Variants in MIGA1 observed in about 807,000 individuals in gnomAD.
The protein encoded by MIGA1 is family with sequence similarity 73, member A.
Under a neutral mutation model 82.0 loss-of-function variants are expected in MIGA1, and 58 were observed. That is an observed-to-expected ratio of 0.71 (90% CI 0.57 to 0.88). The LOEUF (loss-of-function observed/expected upper bound fraction) is 0.88. Ranked by LOEUF, MIGA1 falls within the 40% of genes least tolerant of loss-of-function variation. MIGA1 has a pLI of 0.00. For missense variants in MIGA1, 751 were observed against 749.1 expected (o/e 1.00, Z -0.03); for synonymous variants, 249 against 253.6 (o/e 0.98, Z 0.17).
chr1:77,834,005 A>G (rs1684337145), intron 7 of MIGA1, among the ~76,000 whole-genome samples: 1 of 152,218 alleles, frequency 6.6e-6, no homozygotes, highest in South Asian at 2.1e-4. Context: ...ATAAATAGGG[A>G]ATGCCAGAGA....
At chr1:77,824,983 CTTTTTTTTT>C (rs11375207) in intron 7 of MIGA1, among the ~76,000 whole-genome samples, 3 of 103,148 alleles carry the variant, frequency 2.9e-5, no homozygotes, top group Non-Finnish European at 5.7e-5. Flanking sequence ...TTCTATTCCT[CTTTTTTTTT>C]TTTTTTTTTT....
chr1:77,786,204 A>C (rs973353563), intron 2 of MIGA1, among the ~76,000 whole-genome samples: 1 of 152,118 alleles, frequency 6.6e-6, no homozygotes, highest in Admixed American at 6.5e-5. Context: ...AGTGGCTGGG[A>C]TGCAGGGCAC....
chr1:77,873,112 T>C lies in MIGA1; in HGVS notation c.1672T>C (p.Phe558Leu). Residue 558 changes from phenylalanine to leucine, a missense_variant, in exon 15 of 16, where the codon TTT becomes CTT. By Grantham distance (22) the Phe-to-Leu change is conservative. Around this residue, in one of 3 missense-constraint regions of MIGA1, gnomAD observed 265 missense variants for 293.6 expected, o/e 0.90. Transcript: ENST00000370791. ...AAATTCTCTGTATGATTTATGTTGCTTTTTTAAGGTATGTTCAGTCATTGA... is the reference window on the plus strand; with the variant it reads ...AAATTCTCTGTATGATTTATGTTGCCTTTTTAAGGTATGTTCAGTCATTGA... The C allele has an allele frequency of 6.2e-7, 1 of 1,612,340 alleles. No individual in the cohort carries two copies. Among genetic ancestry groups the C allele is most frequent in the Non-Finnish European group, 8.5e-7 (1 of 1,178,716 alleles).
chr1:77,806,569 T>G (rs1056721895), intron 4 of MIGA1, among the ~76,000 whole-genome samples: 1 of 152,230 alleles, frequency 6.6e-6, no homozygotes. Context: ...ACAAAGATGA[T>G]AGTGGCTTTT....
chr1:77,867,290 T>G (rs1274981962), intron 14 of MIGA1, among the ~76,000 whole-genome samples: 1 of 152,150 alleles, frequency 6.6e-6, no homozygotes, highest in African/African-American at 2.4e-5. Context: ...TTTCCTTATC[T>G]CTAAAAATAG....
At chr1:77,795,794 T>C (rs532174294) in intron 2 of MIGA1, among the ~76,000 whole-genome samples, 1 of 151,716 alleles carries the variant, frequency 6.6e-6, no homozygotes, top group Admixed American at 6.6e-5. Context: ...CATGCCTGGC[T>C]AATTTTTTTT....
At chr1:77,807,576 C>G (rs1683151903) in intron 5 of MIGA1, among the ~76,000 whole-genome samples, 1 of 152,106 alleles carries the variant, frequency 6.6e-6, no homozygotes, top group South Asian at 2.1e-4. Flanking sequence ...TTAGTTTAAA[C>G]TAATACAACA....
chr1:77,791,654 C>T (rs975736968), intron 2 of MIGA1, among the ~76,000 whole-genome samples: 5 of 149,860 alleles, frequency 3.3e-5, no homozygotes, highest in Non-Finnish European at 5.9e-5. Flanking sequence ...ACCTCAGTCT[C>T]CTGGGTTCAA....
chr1:77,823,213 CT>C (rs879872245), intron 7 of MIGA1, among the ~76,000 whole-genome samples: 86 of 146,356 alleles, frequency 5.9e-4, no homozygotes, highest in Middle Eastern at 3.5e-3. Flanking sequence ...GTCTATTCTC[CT>C]TTTTTTTTTT....
intron 5 of MIGA1, among the ~76,000 whole-genome samples, chr1:77,813,168 G>C (rs919621982): frequency 3.3e-5 from 5 of 152,192 alleles, no homozygotes; most frequent in African/African-American, 1.2e-4. Context: ...TTTTAGTAGA[G>C]ATGGGGTTTT....
At chr1:77,797,975 C>T (rs373939880) in intron 2 of MIGA1, among the ~76,000 whole-genome samples, 3 of 152,052 alleles carry the variant, frequency 2.0e-5, no homozygotes, top group South Asian at 2.1e-4. Context: ...ACTTCTAATA[C>T]GACATTGGTG....
intron 14 of MIGA1, 53 bp downstream of exon 14, chr1:77,866,444 C>G (rs558733495): frequency 1.3e-6 from 2 of 1,548,108 alleles, no homozygotes; most frequent in African/African-American, 1.4e-5. Flanking sequence ...AGGATTCTGT[C>G]AAAGCAGCTT....
chr1:77,825,728 G>T (rs1684004957), intron 7 of MIGA1, among the ~76,000 whole-genome samples: 1 of 152,088 alleles, frequency 6.6e-6, no homozygotes, highest in South Asian at 2.1e-4. Flanking sequence ...TATTTTCAGA[G>T]ATTGTTAAAT....
chr1:77,806,894 A>C (rs1683121173), intron 4 of MIGA1, 81 bp from the exon 5 acceptor site: 1 of 1,075,432 alleles, frequency 9.3e-7, no homozygotes. Context: ...AGGATTTATA[A>C]AAATAATTTG....
chr1:77,815,181 T>G lies in MIGA1; in HGVS notation c.845T>G (p.Phe282Cys), dbSNP rs1324504201. The change falls in exon 7 of 16, where the codon TTT becomes TGT. Residue 282 changes from phenylalanine to cysteine, a missense_variant. Physicochemically the swap from Phe to Cys is radical, Grantham distance 205. Coordinates refer to ENST00000370791, the MANE Select transcript of MIGA1 (RefSeq NM_198549.4). ...AGAGCCTATCGTCTCCAAGAGGAGT[T>G]TGAAGCTACCCTTGGGGCATCTGAT... 6.2e-7 allele frequency: 1 copy of G among 1,611,002 alleles called. No individual in the cohort carries two copies. Among genetic ancestry groups the G allele is most frequent in the Non-Finnish European group, 8.5e-7 (1 of 1,178,016 alleles).
intron 14 of MIGA1, among the ~76,000 whole-genome samples, chr1:77,867,440 C>T (rs1265644698): frequency 6.6e-6 from 1 of 152,198 alleles, no homozygotes; most frequent in Non-Finnish European, 1.5e-5. Flanking sequence ...AATCTTTCTG[C>T]CTCATCCTCC....
chr1:77,797,256 T>C (rs1036592477), intron 2 of MIGA1, among the ~76,000 whole-genome samples: 2 of 152,222 alleles, frequency 1.3e-5, no homozygotes, highest in African/African-American at 4.8e-5. Context: ...TTTTCTCCTG[T>C]GTTTTCTTCT....
At chr1:77,860,301 A>G in intron 11 of MIGA1, 175 bp downstream of exon 11, 1 of 536,110 alleles carries the variant, frequency 1.9e-6, no homozygotes, top group Non-Finnish European at 3.3e-6. Flanking sequence ...ATTTCAACCA[A>G]GTTGTTTCTC....
At chr1:77,843,159 A>C (rs1333714224) in intron 7 of MIGA1, 148 bp from the exon 8 acceptor site, 4 of 527,574 alleles carry the variant, frequency 7.6e-6, no homozygotes, top group Non-Finnish European at 1.4e-5. Context: ...TTTCAGATTC[A>C]GTTAAACAAT....
Sources: gnomAD v4.1 joint callset for allele counts (sites outside exome capture counted in the v4.1 genomes callset) on GRCh38, gnomAD v4.1.1 for gene constraint, gnomAD v4.1.1 regional missense constraint, MANE v1.5 for transcripts, NCBI Gene and HGNC (gene_info 2026-07-23, HGNC 2026-07-21) for gene names.